DNAJC15: variants seen among roughly 807,000 people sequenced by gnomAD.
DNAJC15 encodes the protein DnaJ heat shock protein family (Hsp40) member C15, also known as dnaJ homolog subfamily C member 15.
Under a neutral mutation model 22.4 loss-of-function variants are expected in DNAJC15, and 27 were observed. The observed-to-expected ratio is 1.20, with a 90% confidence interval of 0.89 to 1.66. The LOEUF (loss-of-function observed/expected upper bound fraction) is 1.66. DNAJC15 is among the 40% of genes most tolerant of loss of function. The pLI is 0.00. For missense variants in DNAJC15, 208 were observed against 187.1 expected, an observed-to-expected ratio of 1.11 and a Z score of -0.65; for synonymous variants, 79 against 63.2, an observed-to-expected ratio of 1.25 and a Z score of -1.19.
At chr13:43,052,254 C>A (rs181494011) in intron 1 of DNAJC15, among the ~76,000 whole-genome samples, 3 of 152,050 alleles carry the variant, frequency 2.0e-5, no homozygotes, top group African/African-American at 7.3e-5. Flanking sequence ...TGAGCCACCA[C>A]GCCCAGCCTA....
chr13:43,049,913 T>A (rs989222420), intron 1 of DNAJC15, among the ~76,000 whole-genome samples: 1 of 152,170 alleles, frequency 6.6e-6, no homozygotes, highest in African/African-American at 2.4e-5. Context: ...TTTGTTTGTT[T>A]GTTTGTTTTA....
At position 43,023,749 on chromosome 13, in the gene DNAJC15, CG is replaced by C. The variant is rs1291876606; in HGVS notation, c.108+17del. The C allele has an allele frequency of 1.3e-6, 2 of 1,592,334 alleles. No homozygotes were observed. The highest frequency in any genetic ancestry group is 1.7e-6 in the Non-Finnish European group (2 of 1,169,498). ...AGCAGAGACTGGTGAGTCCTGCCAG[CG>C]GCCCCCACCCCTCTCTGGCTCCCTT... is the stretch of plus-strand genomic sequence containing the variant. On this transcript the variant is annotated intron_variant, in intron 1 of 5. Coordinates refer to ENST00000379221, the MANE Select transcript of DNAJC15 (RefSeq NM_013238.3).
intron 1 of DNAJC15, among the ~76,000 whole-genome samples, chr13:43,030,683 A>T (rs935123111): frequency 2.0e-5 from 3 of 152,202 alleles, no homozygotes; most frequent in Admixed American, 2.0e-4. Flanking sequence ...TCAAATACGC[A>T]TTTTTTCCTC....
At chr13:43,045,754 A>G (rs1177257681) in intron 1 of DNAJC15, among the ~76,000 whole-genome samples, 1 of 152,180 alleles carries the variant, frequency 6.6e-6, no homozygotes, top group African/African-American at 2.4e-5. Flanking sequence ...ATAAAATATA[A>G]AACAATGTGA....
intron 5 of DNAJC15, among the ~76,000 whole-genome samples, chr13:43,100,116 C>G (rs942319069): frequency 6.6e-6 from 1 of 151,542 alleles, no homozygotes; most frequent in African/African-American, 2.4e-5. Context: ...AGGAGCTTGT[C>G]CATTTTCTCT....
intron 5 of DNAJC15, among the ~76,000 whole-genome samples, chr13:43,106,337 G>T (rs1178153094): frequency 6.6e-6 from 1 of 152,068 alleles, no homozygotes; most frequent in African/African-American, 2.4e-5. Context: ...GAAGTTAGAA[G>T]GTATATGATG....
At chr13:43,078,481 C>G (rs1365279976) in intron 3 of DNAJC15, 131 bp from the exon 4 acceptor site, 10 of 564,652 alleles carry the variant, frequency 1.8e-5, no homozygotes, top group African/African-American at 3.8e-5. Context: ...TTTGGTGCTT[C>G]CCCCCGCCCC....
chr13:43,078,933 A>G (rs1453481719), intron 4 of DNAJC15: 3 of 273,074 alleles, frequency 1.1e-5, no homozygotes, highest in Non-Finnish European at 2.1e-5. Context: ...ACAAGGATCT[A>G]TAATATTTGA....
Position 43,108,184 on chromosome 13 carries a change from G to C in DNAJC15, c.*936G>C, listed in dbSNP as rs567024782. 7.2e-5 allele frequency: 11 copies of C among 152,476 alleles called. No individual in the cohort carries two copies. The highest frequency in any genetic ancestry group is 2.6e-4 in the African/African-American group (11 of 41,564). The allele number at this position is 152,476 out of a possible 1,614,324, so 9.4% of individuals were successfully genotyped here. On this transcript the variant is annotated 3_prime_UTR_variant, in exon 6 of 6. Transcript: ENST00000379221. The stretch of plus-strand genomic sequence containing the variant: ...CACTGCATGAGAGGAGGAATAAGTG[G>C]CATAGAGCTAGGCTTTAGAAAAGAA...
At chr13:43,068,007 G>T (rs372090686) in intron 2 of DNAJC15, among the ~76,000 whole-genome samples, 1 of 152,020 alleles carries the variant, frequency 6.6e-6, no homozygotes, top group African/African-American at 2.4e-5. Context: ...TAACATGTTT[G>T]CACAGAATAA....
chr13:43,107,332 T>TC lies in DNAJC15; in HGVS notation c.*84_*85insC, dbSNP rs2040802298. Reference sequence around the variant, plus strand: ...CTGCAAAATATTCTAAAACATGGTCTTCTTAATTTTCTATATGGATTGACC... The same window carrying TC: ...CTGCAAAATATTCTAAAACATGGTCTCTCTTAATTTTCTATATGGATTGACC... On this transcript the variant is annotated 3_prime_UTR_variant, in exon 6 of 6. Transcript: ENST00000379221. The TC allele has an allele frequency of 2.6e-6, 3 of 1,155,528 alleles. No homozygotes were observed. Among genetic ancestry groups the TC allele is most frequent in the Non-Finnish European group, 1.2e-6 (1 of 855,266 alleles). 71.6% of individuals were successfully genotyped at this position (1,155,528 alleles called of 1,614,324 possible). A position where few individuals can be genotyped will look rare whatever the true frequency, so the allele number is the denominator to read the frequency against.
intron 5 of DNAJC15, among the ~76,000 whole-genome samples, chr13:43,102,426 C>T (rs561686070): frequency 6.6e-6 from 1 of 152,104 alleles, no homozygotes; most frequent in Admixed American, 6.5e-5. Context: ...AGAAGCTTGA[C>T]TGAAAGCTTT....
At chr13:43,044,327 A>T (rs2040466622) in intron 1 of DNAJC15, among the ~76,000 whole-genome samples, 1 of 152,204 alleles carries the variant, frequency 6.6e-6, no homozygotes, top group Non-Finnish European at 1.5e-5. Context: ...CTTCTTTTCC[A>T]TTAGTAGATG....
At position 43,113,929 on chromosome 13, in the gene DNAJC15, C is replaced by G. The variant is rs1481519624; in HGVS notation, c.*6681C>G. ...TAACCCTGCTTGGATCTGAGTTACA[C>G]TTTGTTTCCTGACTTCTTGGGACTT... On this transcript the variant is annotated 3_prime_UTR_variant, in exon 6 of 6. Transcript: ENST00000379221. 1 of 152,216 alleles carries G rather than the reference C, an allele frequency of 6.6e-6. No homozygotes were observed. Among genetic ancestry groups the G allele is most frequent in the Non-Finnish European group, 1.5e-5 (1 of 68,052 alleles). 9.4% of individuals were successfully genotyped at this position (152,216 alleles called of 1,614,324 possible). A position where few individuals can be genotyped will look rare whatever the true frequency, so the allele number is the denominator to read the frequency against.
intron 1 of DNAJC15, among the ~76,000 whole-genome samples, chr13:43,034,097 A>G (rs1230299045): frequency 6.6e-6 from 1 of 151,574 alleles, no homozygotes; most frequent in Non-Finnish European, 1.5e-5. Context: ...TACTATAAAC[A>G]TGTTTGTTGC....
chr13:43,083,616 C>CA (rs1054306202), intron 4 of DNAJC15, among the ~76,000 whole-genome samples: 3 of 151,662 alleles, frequency 2.0e-5, no homozygotes, highest in South Asian at 2.1e-4. Flanking sequence ...ACCTGTGTAG[C>CA]AAAAAAAGGA....
At chr13:43,099,599 G>T (rs550964267) in intron 5 of DNAJC15, among the ~76,000 whole-genome samples, 1 of 152,220 alleles carries the variant, frequency 6.6e-6, no homozygotes, top group Non-Finnish European at 1.5e-5. Context: ...CTGAAAGTGT[G>T]TTGAATCTTG....
At chr13:43,025,271 G>C (rs1249289652) in intron 1 of DNAJC15, among the ~76,000 whole-genome samples, 2 of 152,184 alleles carry the variant, frequency 1.3e-5, no homozygotes, top group East Asian at 3.8e-4. Context: ...CTTTTGTGGA[G>C]AGTCGTAAAA....
At chr13:43,052,952 T>C (rs531336211) in intron 1 of DNAJC15, among the ~76,000 whole-genome samples, 15 of 152,340 alleles carry the variant, frequency 9.8e-5, no homozygotes, top group African/African-American at 3.6e-4. Context: ...TTTTTGATCA[T>C]TCAGGAGCAG....
Sources: gnomAD v4.1 joint callset for allele counts (sites outside exome capture counted in the v4.1 genomes callset) on GRCh38, gnomAD v4.1.1 for gene constraint, MANE v1.5 for transcripts, NCBI Gene and HGNC (gene_info 2026-07-23, HGNC 2026-07-21) for gene names.